BAZ2B: variants seen among roughly 807,000 people sequenced by gnomAD.
BAZ2B encodes bromodomain adjacent to zinc finger domain protein 2B.
In BAZ2B, 91 loss-of-function variants were observed where a neutral mutation model predicts 246.0. The observed-to-expected ratio is 0.37, with a 90% confidence interval of 0.31 to 0.44. The LOEUF (loss-of-function observed/expected upper bound fraction) is 0.44. Among genes scored for constraint, BAZ2B ranks in the 20% least tolerant of loss-of-function variants. The pLI, the probability that BAZ2B is intolerant of heterozygous loss-of-function variation, is 1.00. For synonymous variants in BAZ2B, 855 were observed against 860.0 expected (o/e 0.99, Z 0.10); for missense variants, 2,332 against 2,533.7 (o/e 0.92, Z 1.71).
chr2:159,467,531 A>C (rs999979366), intron 3 of BAZ2B, among the ~76,000 whole-genome samples: 21 of 152,308 alleles, frequency 1.4e-4, no homozygotes, highest in African/African-American at 4.8e-4. Context: ...GCTTTGATTA[A>C]TTGACTTATG....
intron 2 of BAZ2B, among the ~76,000 whole-genome samples, chr2:159,502,829 A>G (rs1388990962): frequency 6.6e-6 from 1 of 152,222 alleles, no homozygotes; most frequent in East Asian, 1.9e-4. Flanking sequence ...ATCAAGTCAC[A>G]TACTCTTACC....
At chr2:159,458,003 T>C (rs1456309886) in intron 3 of BAZ2B, among the ~76,000 whole-genome samples, 1 of 152,168 alleles carries the variant, frequency 6.6e-6, no homozygotes, top group Non-Finnish European at 1.5e-5. Context: ...CATTCCTGAC[T>C]GCCTCTTTCA....
intron 33 of BAZ2B, among the ~76,000 whole-genome samples, chr2:159,336,220 C>CTA (rs2065646234): frequency 6.6e-6 from 1 of 152,080 alleles, no homozygotes; most frequent in Non-Finnish European, 1.5e-5. Context: ...ATAGATAATT[C>CTA]TATATATGAT....
Position 159,349,235 on chromosome 2 carries a change from G to A in BAZ2B, c.4909C>T (p.Pro1637Ser), listed in dbSNP as rs762347480. The change falls in exon 29 of 37, where the codon CCC becomes TCC. Residue 1637 changes from proline to serine, a missense_variant. Pro to Ser is a moderately conservative substitution (Grantham distance 74). Around this residue, in one of 9 missense-constraint regions of BAZ2B, gnomAD observed 676 missense variants for 668.6 expected, o/e 1.01. Transcript: ENST00000392783. ...SMMGLQFCGW[P>S]TGVVTSNIPF... ...ATATTAGAAGTAACCACACCAGTGGGCCATCCACAAAACTGAAGTCCCATC... is the reference window on the plus strand; with the variant it reads ...ATATTAGAAGTAACCACACCAGTGGACCATCCACAAAACTGAAGTCCCATC... The A allele has an allele frequency of 1.9e-6, 3 of 1,613,258 alleles. No homozygotes were observed. Among genetic ancestry groups the A allele is most frequent in the South Asian group, 2.2e-5 (2 of 91,042 alleles).
chr2:159,557,220 ATTTT>A (rs369943226), intron 1 of BAZ2B, among the ~76,000 whole-genome samples: 3 of 124,126 alleles, frequency 2.4e-5, no homozygotes, highest in Admixed American at 1.7e-4. Flanking sequence ...TGGCTAATTA[ATTTT>A]TTTTTTTTTT....
chr2:159,324,625 TACACACACACACAC>T (rs60009917), intron 36 of BAZ2B, among the ~76,000 whole-genome samples, 172 bp downstream of exon 36: 7,154 of 132,818 alleles, frequency 0.054, 246 homozygotes, highest in Non-Finnish European at 0.082. Context: ...TCTAACCAAA[TACACACACACACAC>T]ACACACACAC....
the BAZ2B span, among the ~76,000 whole-genome samples, chr2:159,676,214 G>A: frequency 6.7e-6 from 1 of 148,360 alleles, no homozygotes; most frequent in Admixed American, 6.7e-5. Context: ...TTTTTTTTTA[G>A]TACAGATGAG....
At chr2:159,428,467 G>C (rs1559377787) in intron 11 of BAZ2B, 48 bp from the exon 12 acceptor site, 1 of 1,439,834 alleles carries the variant, frequency 6.9e-7, no homozygotes, top group Non-Finnish European at 9.6e-7. Context: ...TTTCAAGAAA[G>C]CTTTTAAAAA....
At chr2:159,448,123 C>G in intron 5 of BAZ2B, 119 bp downstream of exon 5, 2 of 1,161,554 alleles carry the variant, frequency 1.7e-6, no homozygotes, top group Non-Finnish European at 2.4e-6. Flanking sequence ...GACCTTGTCT[C>G]TATTAAAACA....
chr2:159,386,421 C>T lies in BAZ2B; in HGVS notation c.3403G>A (p.Val1135Ile). 1 of 1,613,356 alleles carries T rather than the reference C, an allele frequency of 6.2e-7. No individual in the cohort carries two copies. The stretch of plus-strand genomic sequence containing the variant: ...AGGAGCCTCACAAGCAAGTCTTGTA[C>T]TTCACCCATGCTGTCCCCTATATTT... The part of the protein sequence containing the change: ...LLNIGDSMGE[V>I]QDLLVRLLSA... Residue 1135 changes from valine (V) to isoleucine (I), a missense_variant, in exon 22 of 37, where the codon GTA becomes ATA. Around this residue, in one of 9 missense-constraint regions of BAZ2B, gnomAD observed 328 missense variants for 410.4 expected, o/e 0.80. Coordinates refer to ENST00000392783, the MANE Select transcript of BAZ2B (RefSeq NM_013450.4).
Position 159,404,900 on chromosome 2 carries a change from A to G in BAZ2B, c.2781T>C (p.Ala927=). 1 of 1,613,714 alleles carries G rather than the reference A, an allele frequency of 6.2e-7. No individual in the cohort carries two copies. The highest frequency in any genetic ancestry group is 8.5e-7 in the Non-Finnish European group (1 of 1,179,954). Residue 927 remains alanine, a synonymous_variant, in exon 16 of 37, where the codon GCT becomes GCC. Coordinates refer to ENST00000392783, the MANE Select transcript of BAZ2B (RefSeq NM_013450.4). ...CTTTTTGCTTCCGCTTCTCCTCAGC[A>G]GCCATTATTGCTACAAGAAACCAAA... is the stretch of plus-strand genomic sequence containing the variant. ...KEAKKQQAIM[A]AEEKRKQKEQ...
intron 27 of BAZ2B, among the ~76,000 whole-genome samples, chr2:159,357,908 C>T (rs1435092191): frequency 1.3e-5 from 2 of 152,138 alleles, no homozygotes; most frequent in Non-Finnish European, 2.9e-5. Context: ...TACAGACAGG[C>T]AAATGCTGAG....
intron 8 of BAZ2B, chr2:159,434,749 T>C (rs2071869412): frequency 6.6e-6 from 1 of 152,100 alleles, no homozygotes; most frequent in Non-Finnish European, 1.5e-5. Flanking sequence ...CTGGTGGAAA[T>C]GGACATTCAA....
intron 19 of BAZ2B, 73 bp downstream of exon 19, chr2:159,397,271 AT>A: frequency 7.5e-7 from 1 of 1,325,988 alleles, no homozygotes; most frequent in Non-Finnish European, 1.0e-6. Flanking sequence ...TATTTTGAAG[AT>A]TTTCCCCCAA....
the BAZ2B span, among the ~76,000 whole-genome samples, chr2:159,668,949 G>T: frequency 1.3e-5 from 2 of 151,956 alleles, no homozygotes; most frequent in Non-Finnish European, 2.9e-5. Context: ...CAGGCTACTC[G>T]GGAGGCTGAG....
intron 2 of BAZ2B, among the ~76,000 whole-genome samples, chr2:159,550,901 T>C (rs2088086053): frequency 6.6e-6 from 1 of 152,140 alleles, no homozygotes; most frequent in Non-Finnish European, 1.5e-5. Context: ...AATGGTACAA[T>C]CTTGGCTTAC....
chr2:159,613,332 A>G (rs1013112174), intron 1 of BAZ2B, among the ~76,000 whole-genome samples: 2 of 152,092 alleles, frequency 1.3e-5, no homozygotes, highest in African/African-American at 4.8e-5. Flanking sequence ...ATGTGAGAAC[A>G]GTGAAGCTAC....
chr2:159,361,235 G>C (rs2059656165), intron 27 of BAZ2B, among the ~76,000 whole-genome samples: 2 of 152,042 alleles, frequency 1.3e-5, no homozygotes, highest in African/African-American at 4.8e-5. Flanking sequence ...AATCTACAAA[G>C]AACTTAAACA....
intron 2 of BAZ2B, among the ~76,000 whole-genome samples, chr2:159,525,062 G>A (rs190657750): frequency 1.3e-4 from 20 of 152,160 alleles, no homozygotes; most frequent in African/African-American, 4.8e-4. Context: ...CATTTATACC[G>A]TAAGAGTGGT....
Sources: allele counts gnomAD v4.1 joint callset (sites outside exome capture counted in the v4.1 genomes callset), GRCh38; gene constraint gnomAD v4.1.1; regional missense constraint gnomAD v4.1.1; transcripts MANE v1.5; gene names NCBI Gene and HGNC (gene_info 2026-07-23, HGNC 2026-07-21).